Variants in TCF7L1 observed in about 807,000 individuals in gnomAD.
TCF7L1 encodes the protein transcription factor 7-like 1.
In TCF7L1, 18 loss-of-function variants were observed where a neutral mutation model predicts 63.7. The observed-to-expected ratio is 0.28, with a 90% confidence interval of 0.20 to 0.42. The LOEUF is 0.42. Ranked by LOEUF, TCF7L1 falls within the 10% of genes least tolerant of loss-of-function variation. The probability of loss-of-function intolerance (pLI) is 1.00; values close to 1 mark genes in which losing one functional copy is unlikely to be tolerated. For missense variants in TCF7L1, 654 were observed against 779.3 expected (o/e 0.84, Z 1.91); for synonymous variants, 355 against 340.9 (o/e 1.04, Z -0.46).
At chr2:85,287,593 C>T (rs952262627) in intron 4 of TCF7L1, among the ~76,000 whole-genome samples, 1 of 152,082 alleles carries the variant, frequency 6.6e-6, no homozygotes, top group African/African-American at 2.4e-5. Context: ...TAGATAGCAA[C>T]ATGGATAGTT....
intron 3 of TCF7L1, among the ~76,000 whole-genome samples, chr2:85,270,259 G>A (rs1328199820): frequency 1.4e-4 from 22 of 152,178 alleles, no homozygotes; most frequent in South Asian, 2.1e-4. Context: ...CCTCCCATAG[G>A]GGAAAGTCCG....
At chr2:85,300,611 G>A (rs1681948913) in intron 4 of TCF7L1, among the ~76,000 whole-genome samples, 1 of 151,930 alleles carries the variant, frequency 6.6e-6, no homozygotes, top group South Asian at 2.1e-4. Flanking sequence ...GTGAGCTCAA[G>A]GATACCCAGG....
chr2:85,283,316 AT>A (rs1454202052), intron 3 of TCF7L1, among the ~76,000 whole-genome samples, 178 bp from the exon 4 acceptor site: 2 of 148,118 alleles, frequency 1.4e-5, no homozygotes, highest in Non-Finnish European at 2.9e-5. Context: ...GTGATTGTAA[AT>A]ATATGCTCGC....
intron 3 of TCF7L1, among the ~76,000 whole-genome samples, chr2:85,137,359 G>T (rs1327601877): frequency 1.3e-5 from 2 of 152,208 alleles, no homozygotes; most frequent in African/African-American, 4.8e-5. Context: ...TGGCTGGGAT[G>T]CTGGGAAGTG....
chr2:85,291,700 C>G (rs1463133944), intron 4 of TCF7L1, among the ~76,000 whole-genome samples: 1 of 152,128 alleles, frequency 6.6e-6, no homozygotes, highest in African/African-American at 2.4e-5. Flanking sequence ...CCTGTCTCAG[C>G]CTCCCGGATT....
chr2:85,213,169 G>A (rs1357155023), intron 3 of TCF7L1, among the ~76,000 whole-genome samples: 1 of 151,540 alleles, frequency 6.6e-6, no homozygotes, highest in Admixed American at 6.6e-5. Context: ...AGGGTTTGGG[G>A]GCCAGGTGCA....
chr2:85,142,418 C>CA (rs1172990877), intron 3 of TCF7L1, among the ~76,000 whole-genome samples: 13 of 88,016 alleles, frequency 1.5e-4, no homozygotes, highest in African/African-American at 7.1e-4. Flanking sequence ...ACCCTGTTTC[C>CA]AAAAAAAAAA....
At chr2:85,242,600 G>A (rs1256955373) in intron 3 of TCF7L1, among the ~76,000 whole-genome samples, 1 of 152,174 alleles carries the variant, frequency 6.6e-6, no homozygotes, top group African/African-American at 2.4e-5. Flanking sequence ...TCCTTGAATG[G>A]GGCTTGGCAT....
At chr2:85,289,862 C>T (rs369465078) in intron 4 of TCF7L1, among the ~76,000 whole-genome samples, 87 of 151,830 alleles carry the variant, frequency 5.7e-4, no homozygotes, top group African/African-American at 1.8e-3. Context: ...TTAGTAGAGA[C>T]GGGGTTTCAT....
chr2:85,196,537 AT>A (rs111548214), intron 3 of TCF7L1, among the ~76,000 whole-genome samples: 8,974 of 142,268 alleles, frequency 0.063, 264 homozygotes, highest in African/African-American at 0.078. Flanking sequence ...CATCAGGACT[AT>A]TTTTTTTTTT....
intron 3 of TCF7L1, among the ~76,000 whole-genome samples, chr2:85,194,953 A>G (rs577003508): frequency 4.7e-4 from 71 of 152,352 alleles, no homozygotes; most frequent in Non-Finnish European, 9.8e-4. Context: ...AAACAGAAGG[A>G]ATACATCAGA....
intron 3 of TCF7L1, among the ~76,000 whole-genome samples, chr2:85,159,671 C>T (rs894715672): frequency 6.6e-6 from 1 of 152,244 alleles, no homozygotes; most frequent in Non-Finnish European, 1.5e-5. Flanking sequence ...TTCAAGATCG[C>T]CTTCAGGCTT....
chr2:85,207,770 A>G lies in TCF7L1; in HGVS notation c.441+73320A>G, dbSNP rs149902303. The stretch of plus-strand genomic sequence containing the variant: ...ACTTCAGTGCTGTATTCAACAGATT[A>G]CATTAGATATTCAACACTGTTATTA... On this transcript the variant is annotated intron_variant, in intron 3 of 11. Transcript: ENST00000282111. Among the ~76,000 whole-genome samples, 8 of 152,238 alleles carry G rather than the reference A, an allele frequency of 5.3e-5. 1 individual carries two copies. In the East Asian group the frequency reaches 1.5e-3, roughly 29 times the overall value.
intron 3 of TCF7L1, among the ~76,000 whole-genome samples, chr2:85,159,072 G>A (rs1323839599): frequency 2.0e-5 from 3 of 152,202 alleles, no homozygotes; most frequent in African/African-American, 7.2e-5. Context: ...GGGCTTTGTA[G>A]CACCGTGGAC....
At chr2:85,208,827 A>G (rs543778644) in intron 3 of TCF7L1, among the ~76,000 whole-genome samples, 1 of 152,308 alleles carries the variant, frequency 6.6e-6, no homozygotes, top group African/African-American at 2.4e-5. Context: ...GATCATTGAA[A>G]ATGTGAATTT....
At chr2:85,282,469 CT>C (rs1423897626) in intron 3 of TCF7L1, among the ~76,000 whole-genome samples, 8 of 152,230 alleles carry the variant, frequency 5.3e-5, no homozygotes, top group Non-Finnish European at 1.2e-4. Flanking sequence ...TAATGGTTTG[CT>C]TATGGAAATA....
intron 8 of TCF7L1, 151 bp downstream of exon 8, chr2:85,305,554 G>C: frequency 1.1e-6 from 1 of 952,060 alleles, no homozygotes; most frequent in Non-Finnish European, 1.5e-6. Context: ...CCTCTTCCTC[G>C]GGACTTACTC....
intron 3 of TCF7L1, among the ~76,000 whole-genome samples, chr2:85,274,995 A>G (rs1220450216): frequency 6.6e-6 from 1 of 152,132 alleles, no homozygotes; most frequent in Non-Finnish European, 1.5e-5. Context: ...CCTATTTTAC[A>G]TGTGGAAACC....
intron 3 of TCF7L1, among the ~76,000 whole-genome samples, chr2:85,157,943 T>C (rs547812749): frequency 6.6e-6 from 1 of 152,346 alleles, no homozygotes; most frequent in Admixed American, 6.5e-5. Flanking sequence ...TCATCATTTG[T>C]GCAGATGGGG....
Sources: gnomAD v4.1 joint callset for allele counts (sites outside exome capture counted in the v4.1 genomes callset) on GRCh38, gnomAD v4.1.1 for gene constraint, MANE v1.5 for transcripts, NCBI Gene and HGNC (gene_info 2026-07-23, HGNC 2026-07-21) for gene names.